The following SCARB2 variants were observed in gnomAD, a reference collection of about 807,000 sequenced individuals.
SCARB2 encodes the protein lysosome membrane protein 2.
A neutral mutation model predicts 58.6 loss-of-function variants in SCARB2; 29 were observed. That is an observed-to-expected ratio of 0.49 (90% CI 0.37 to 0.67). The LOEUF is 0.67. SCARB2 is among the 30% of genes least tolerant of loss of function. The pLI is 0.00. For synonymous variants in SCARB2, 195 were observed against 210.1 expected (o/e 0.93, Z 0.62); for missense variants, 488 against 578.5 (o/e 0.84, Z 1.60).
chr4:76,189,628 A>T (rs1267300912), intron 2 of SCARB2, among the ~76,000 whole-genome samples: 1 of 150,922 alleles, frequency 6.6e-6, no homozygotes, highest in Non-Finnish European at 1.5e-5. Flanking sequence ...CACCCAGCTA[A>T]TTTTTTTTTC....
chr4:76,227,203 C>T (rs1479046281), intron 1 of SCARB2, among the ~76,000 whole-genome samples: 1 of 152,056 alleles, frequency 6.6e-6, no homozygotes, highest in Non-Finnish European at 1.5e-5. Context: ...TGCTGTGTGC[C>T]AGAGGGTTTG....
chr4:76,186,719 T>G (rs915281399), intron 2 of SCARB2, among the ~76,000 whole-genome samples: 1 of 152,192 alleles, frequency 6.6e-6, no homozygotes, highest in Non-Finnish European at 1.5e-5. Flanking sequence ...ATTCACCTAA[T>G]GTACCACGTG....
chr4:76,223,106 A>G (rs1114091), intron 1 of SCARB2, among the ~76,000 whole-genome samples: 62,904 of 151,950 alleles, frequency 0.41, 14,062 homozygotes, highest in Non-Finnish European at 0.51. Context: ...GCAGATGTCA[A>G]CCTCTTGTCA....
In SCARB2 at chr4:76,166,252, C is replaced by G; in HGVS notation, c.1237G>C (p.Glu413Gln). The change falls in exon 10 of 12, where the codon GAG (glutamate) becomes CAG (glutamine). Residue 413 changes from glutamate to glutamine, a missense_variant and splice_region_variant. Transcript: ENST00000264896. ...GCTCCCTCCGTCTCAGGACTTACCT[C>G]ATTGAGGTACATCACTGGGAAAACC... Reference protein sequence around the residue: ...TMVFPVMYLNESVHIDKETAS... With the variant: ...TMVFPVMYLNQSVHIDKETAS... 6.2e-7 allele frequency: 1 copy of G among 1,614,162 alleles called. No homozygotes were observed. Among genetic ancestry groups the G allele is most frequent in the Admixed American group, 1.7e-5 (1 of 60,024 alleles).
intron 1 of SCARB2, among the ~76,000 whole-genome samples, chr4:76,212,057 T>C (rs1395312082): frequency 1.3e-5 from 2 of 152,128 alleles, no homozygotes; most frequent in Non-Finnish European, 2.9e-5. Context: ...AGATCACTCA[T>C]CCTATAGGGC....
upstream of SCARB2, chr4:76,214,365 G>A (rs369710301): frequency 2.5e-5 from 11 of 447,316 alleles, no homozygotes; most frequent in African/African-American, 1.4e-4. Flanking sequence ...TAAGGGGCAT[G>A]TGCAAGAATG....
chr4:76,221,019 G>T (rs942525657), intron 1 of SCARB2, among the ~76,000 whole-genome samples: 1 of 152,186 alleles, frequency 6.6e-6, no homozygotes, highest in African/African-American at 2.4e-5. Context: ...AGGCCCCAAG[G>T]TCCCTCACTG....
chr4:76,221,265 C>G (rs1733302137), intron 1 of SCARB2, among the ~76,000 whole-genome samples: 1 of 152,200 alleles, frequency 6.6e-6, no homozygotes, highest in Admixed American at 6.5e-5. Context: ...CTCACTGGTC[C>G]TGGCCTGGGG....
chr4:76,202,834 CTG>C (rs1303590878), intron 1 of SCARB2, among the ~76,000 whole-genome samples: 2 of 151,958 alleles, frequency 1.3e-5, no homozygotes, highest in African/African-American at 4.8e-5. Context: ...GGTTTTGAAA[CTG>C]TTATTTTAAT....
Position 76,168,405 on chromosome 4 carries a change from A to G in SCARB2, c.1185T>C (p.Phe395=). The G allele has an allele frequency of 6.2e-7, 1 of 1,613,810 alleles. No individual in the cohort carries two copies. The highest frequency in any genetic ancestry group is 8.5e-7 in the Non-Finnish European group (1 of 1,179,686). Residue 395 remains phenylalanine (F), a splice_region_variant and synonymous_variant, in exon 9 of 12, where the codon TTT becomes TTC. Coordinates refer to ENST00000264896, the MANE Select transcript of SCARB2 (RefSeq NM_005506.4). ...INIYVKKLDD[F]VETGDIRTMV... ...CCATAGAAAGAAGCAAAACTTACAC[A>G]AAGTCATCTAATTTTTTGACATAAA...
chr4:76,188,155 T>C (rs970220159), intron 2 of SCARB2, among the ~76,000 whole-genome samples: 2 of 151,892 alleles, frequency 1.3e-5, no homozygotes, highest in African/African-American at 4.8e-5. Context: ...GTAGGCAAAA[T>C]AGAAAAAGGT....
intron 1 of SCARB2, among the ~76,000 whole-genome samples, chr4:76,232,307 T>C (rs926850860): frequency 4.6e-5 from 7 of 152,244 alleles, no homozygotes; most frequent in African/African-American, 7.2e-5. Flanking sequence ...TTTCAGCTCT[T>C]CATGAGTCCT....
chr4:76,224,473 A>T (rs765220864), intron 1 of SCARB2, among the ~76,000 whole-genome samples: 4 of 152,188 alleles, frequency 2.6e-5, no homozygotes, highest in Non-Finnish European at 5.9e-5. Flanking sequence ...TGTGTTGTAA[A>T]GGTGGCAGGA....
chr4:76,181,980 T>C (rs1732396084), intron 2 of SCARB2, among the ~76,000 whole-genome samples: 1 of 152,184 alleles, frequency 6.6e-6, no homozygotes, highest in South Asian at 2.1e-4. Context: ...GTGTGAGTGA[T>C]GTAAGAGGTG....
intron 1 of SCARB2, among the ~76,000 whole-genome samples, chr4:76,211,878 C>T (rs1266962822): frequency 6.6e-6 from 1 of 152,226 alleles, no homozygotes; most frequent in African/African-American, 2.4e-5. Context: ...AAGTCCACTT[C>T]CCTGTACTAT....
At chr4:76,166,574 G>A (rs1732013490) in intron 9 of SCARB2, 1 of 523,706 alleles carries the variant, frequency 1.9e-6, no homozygotes, top group Non-Finnish European at 3.5e-6. Flanking sequence ...CATCAGGGAA[G>A]GCTCCAGTCG....
intron 1 of SCARB2, among the ~76,000 whole-genome samples, chr4:76,232,515 T>C (rs1733511029): frequency 6.6e-6 from 1 of 152,234 alleles, no homozygotes. Flanking sequence ...AGTTTGGTTT[T>C]CTCTGTGGTT....
chr4:76,197,169 C>T lies in SCARB2; in HGVS notation c.118-1305G>A, dbSNP rs576715592. Reference sequence around the variant, plus strand: ...AGACAAATTTCTGTTGCTTAAGCCACCCAGTCTGTTGTATTCATTCGGGAA... The same window carrying T: ...AGACAAATTTCTGTTGCTTAAGCCATCCAGTCTGTTGTATTCATTCGGGAA... On this transcript the variant is annotated intron_variant, in intron 1 of 11. Transcript: ENST00000264896. Among the ~76,000 whole-genome samples, 435 of 152,338 alleles carry T rather than the reference C, an allele frequency of 2.9e-3. 2 individuals are homozygous for T. Among genetic ancestry groups the T allele is most frequent in the African/African-American group, 1.0e-2 (415 of 41,588 alleles).
chr4:76,179,053 GTTTTTT>G (rs76934511), intron 4 of SCARB2: 114 of 138,234 alleles, frequency 8.2e-4, no homozygotes, highest in Middle Eastern at 3.8e-3. Context: ...TTTTGTTTTT[GTTTTTT>G]TTTTGGCTTT....
Sources: gnomAD v4.1 joint callset for allele counts (sites outside exome capture counted in the v4.1 genomes callset) on GRCh38, gnomAD v4.1.1 for gene constraint, MANE v1.5 for transcripts, NCBI Gene and HGNC (gene_info 2026-07-23, HGNC 2026-07-21) for gene names.